The following CRIPTO3 variants were observed in gnomAD, a reference collection of about 807,000 sequenced individuals.
The protein encoded by CRIPTO3 is protein CRIPTO3.
the CRIPTO3 span, chrX:110,521,621 A>G: frequency 4.9e-6 from 6 of 1,212,179 alleles, no homozygotes; most frequent in Non-Finnish European, 6.7e-6. Context: ...CCAGGACTCC[A>G]GAACTACCAC....
chrX:110,521,198 T>G, the CRIPTO3 span: 32 of 1,123,204 alleles, frequency 2.8e-5, no homozygotes, highest in Non-Finnish European at 3.8e-5. Context: ...CTAAAGCCTT[T>G]GAACTGGGAT....
At chrX:110,521,604 G>C in the CRIPTO3 span, 1 of 1,211,834 alleles carries the variant, frequency 8.3e-7, no homozygotes, top group African/African-American at 1.7e-5. Flanking sequence ...TGAGCACCTC[G>C]TGGCTTCCAG....
the CRIPTO3 span, chrX:110,522,922 A>G: frequency 3.7e-5 from 4 of 109,082 alleles, no homozygotes; most frequent in East Asian, 2.8e-4. Flanking sequence ...AAAAAAAAAA[A>G]AAAGAAAACA....
chrX:110,521,492 C>A, the CRIPTO3 span: 13 of 1,208,757 alleles, frequency 1.1e-5, no homozygotes, highest in Non-Finnish European at 1.3e-5. Flanking sequence ...TGCCCCATGA[C>A]ACCTGGCTGC....
the CRIPTO3 span, chrX:110,522,721 C>T: frequency 9.0e-6 from 1 of 110,932 alleles, no homozygotes; most frequent in African/African-American, 3.3e-5. Flanking sequence ...CTCAATGTCC[C>T]CAACAAGATT....
chrX:110,522,044 A>T, the CRIPTO3 span: 3 of 385,760 alleles, frequency 7.8e-6, no homozygotes, highest in South Asian at 5.1e-5. Flanking sequence ...CAACCTCCGC[A>T]TCCGGGGTTC....
the CRIPTO3 span, chrX:110,521,641 G>A: frequency 7.4e-6 from 9 of 1,210,160 alleles, no homozygotes; most frequent in Non-Finnish European, 1.0e-5. Context: ...CCGTCTGCAC[G>A]TACTACCACT....
the CRIPTO3 span, chrX:110,521,510 G>C: frequency 2.1e-5 from 25 of 1,209,884 alleles, no homozygotes; most frequent in African/African-American, 4.0e-4. Context: ...TGCCCAAGAA[G>C]TGTTCCCTGT....
the CRIPTO3 span, chrX:110,520,922 A>G: frequency 9.3e-6 from 4 of 428,783 alleles, no homozygotes; most frequent in African/African-American, 9.9e-5. Flanking sequence ...GCTCAAGGTC[A>G]AAACGTCCAA....
At chrX:110,521,131 T>C in the CRIPTO3 span, 1 of 1,147,466 alleles carries the variant, frequency 8.7e-7, no homozygotes, top group East Asian at 3.0e-5. Flanking sequence ...TTAAAAGCTA[T>C]GGACTGCAGG....
chrX:110,521,544 C>T, the CRIPTO3 span: 2 of 1,211,718 alleles, frequency 1.7e-6, no homozygotes, highest in Non-Finnish European at 2.2e-6. Flanking sequence ...CGGTCAGCTC[C>T]GCTGCTTTCC....
chrX:110,521,338 T>A, the CRIPTO3 span: 1 of 1,209,080 alleles, frequency 8.3e-7, no homozygotes, highest in Non-Finnish European at 1.1e-6. Flanking sequence ...GTGCTGCCCA[T>A]GGGAATACAG....
the CRIPTO3 span, chrX:110,522,890 A>T: frequency 3.0e-5 from 3 of 100,719 alleles, no homozygotes; most frequent in Admixed American, 2.1e-4. Flanking sequence ...CACAGTAAAA[A>T]TGGAAACTAT....
the CRIPTO3 span, chrX:110,521,204 G>A: frequency 8.9e-7 from 1 of 1,125,480 alleles, no homozygotes; most frequent in Non-Finnish European, 1.2e-6. Flanking sequence ...CCTTTGAACT[G>A]GGATTAGTTG....
the CRIPTO3 span, chrX:110,521,373 T>C: frequency 8.3e-7 from 1 of 1,211,749 alleles, no homozygotes; most frequent in Non-Finnish European, 1.1e-6. Context: ...AAACAGAACC[T>C]GCTGCCTGAA....
chrX:110,521,212 T>C, the CRIPTO3 span: 1 of 1,138,553 alleles, frequency 8.8e-7, no homozygotes, highest in African/African-American at 1.8e-5. Flanking sequence ...CTGGGATTAG[T>C]TGCCGGGCTG....
the CRIPTO3 span, chrX:110,521,299 C>T: frequency 1.7e-6 from 2 of 1,201,595 alleles, no homozygotes; most frequent in African/African-American, 1.8e-5. Context: ...CAGGAGGAGC[C>T]TGCAATTCGG....
the CRIPTO3 span, chrX:110,521,530 G>C: frequency 8.3e-7 from 1 of 1,211,750 alleles, no homozygotes; most frequent in Non-Finnish European, 1.1e-6. Flanking sequence ...TGTAAATGCT[G>C]GCACGGTCAG....
At chrX:110,521,447 T>C in the CRIPTO3 span, 1 of 1,211,678 alleles carries the variant, frequency 8.3e-7, no homozygotes, top group African/African-American at 1.7e-5. Context: ...GACGGAACTG[T>C]GAGCACGATG....
Sources: gnomAD v4.1 joint callset for allele counts on GRCh38, gnomAD v4.1.1 for gene constraint, MANE v1.5 for transcripts, NCBI Gene and HGNC (gene_info 2026-07-23, HGNC 2026-07-21) for gene names.